The following RNF24 variants were observed in gnomAD, a reference collection of about 807,000 sequenced individuals.
RNF24 encodes the protein ring finger protein 24.
A neutral mutation model predicts 20.0 loss-of-function variants in RNF24; 14 were observed. That is an observed-to-expected ratio of 0.70 (90% confidence interval 0.46 to 1.10). The LOEUF is 1.10. Among genes scored for constraint, RNF24 ranks in the 50% least tolerant of loss-of-function variants. The pLI is 0.00. For missense variants in RNF24, 124 were observed against 177.6 expected, an observed-to-expected ratio of 0.70 and a Z score of 1.71; for synonymous variants, 45 against 61.1, an observed-to-expected ratio of 0.74 and a Z score of 1.23.
Position 3,948,344 on chromosome 20 carries a change from A to G in RNF24, c.144-65T>C, listed in dbSNP as rs79946463. 57 of 1,161,412 alleles carry G rather than the reference A, an allele frequency of 4.9e-5. No individual in the cohort carries two copies. The East Asian group carries it at 1.4e-3, about 28-fold the overall frequency. The allele number at this position is 1,161,412 out of a possible 1,614,324, so 71.9% of individuals were successfully genotyped here. On this transcript the variant is annotated intron_variant, in intron 2 of 5. Transcript: ENST00000358395. ...AACATAGTAACTTGAAGAAAAATAA[A>G]AAGTTGCTGATTTTGGTATTAATTT...
intron 2 of RNF24, among the ~76,000 whole-genome samples, chr20:3,953,910 C>T (rs2091111992): frequency 6.6e-6 from 1 of 151,202 alleles, no homozygotes; most frequent in African/African-American, 2.4e-5. Context: ...GTGTGTGCCA[C>T]CACGTCCAGC....
At chr20:3,973,880 A>G (rs940515603) in intron 1 of RNF24, among the ~76,000 whole-genome samples, 1 of 152,176 alleles carries the variant, frequency 6.6e-6, no homozygotes, top group African/African-American at 2.4e-5. Context: ...ACATTTCTCA[A>G]GGCATTTTTT....
intron 1 of RNF24, among the ~76,000 whole-genome samples, chr20:3,981,574 C>T (rs887490251): frequency 1.3e-5 from 2 of 151,018 alleles, no homozygotes; most frequent in Non-Finnish European, 2.9e-5. Context: ...GGCACCATCT[C>T]GGCTGACTGC....
intron 1 of RNF24, among the ~76,000 whole-genome samples, chr20:3,979,891 T>C (rs1201653478): frequency 1.3e-5 from 2 of 150,778 alleles, no homozygotes; most frequent in African/African-American, 2.4e-5. Context: ...AAAAGAATAA[T>C]GAAAATAAAT....
chr20:3,976,278 A>C (rs1300649674), intron 1 of RNF24, among the ~76,000 whole-genome samples: 1 of 152,258 alleles, frequency 6.6e-6, no homozygotes, highest in Non-Finnish European at 1.5e-5. Flanking sequence ...ACGTATGTTC[A>C]AAATCATTAG....
chr20:3,939,636 C>T (rs1321864142), intron 4 of RNF24, among the ~76,000 whole-genome samples: 1 of 152,182 alleles, frequency 6.6e-6, no homozygotes, highest in East Asian at 1.9e-4. Context: ...AGTGTGAGTT[C>T]TCTAACTCTG....
chr20:3,954,882 G>C (rs997232787), intron 2 of RNF24, among the ~76,000 whole-genome samples: 1 of 150,924 alleles, frequency 6.6e-6, no homozygotes, highest in African/African-American at 2.4e-5. Flanking sequence ...CCGGGTGACA[G>C]TGCGAGACTC....
chr20:3,952,569 ATTCT>A, intron 2 of RNF24, among the ~76,000 whole-genome samples: 1 of 140,458 alleles, frequency 7.1e-6, no homozygotes, highest in African/African-American at 2.7e-5. Flanking sequence ...CTTTTCTTTT[ATTCT>A]TTTTTCCCGT....
rs553816407 is a variant in RNF24 at position 4,012,348 on chromosome 20, C to T, written c.-8+3089G>A. 9.9e-5 allele frequency among the ~76,000 whole-genome samples: 15 copies of T among 151,120 alleles called. No homozygotes were observed. In the East Asian group the frequency reaches 2.3e-3, roughly 24 times the overall value. On this transcript the variant is annotated intron_variant, in intron 1 of 5. Transcript: ENST00000358395. ...ATGAGAATCACTTGAACCTGGGAGA[C>T]GGAGGCTGCAGTCAGCCGAGATCAC... is the stretch of plus-strand genomic sequence containing the variant.
rs1350174521 is a variant in RNF24 at position 3,930,473 on chromosome 20, AC to A, written c.*3589del. On this transcript the variant is annotated 3_prime_UTR_variant, in exon 6 of 6. Coordinates refer to ENST00000358395, the MANE Select transcript of RNF24 (RefSeq NM_001134337.3). The stretch of plus-strand genomic sequence containing the variant: ...CCTACCAGGCTCTGGGCACCAGCTA[AC>A]CCCCACAAGAGGTGCCAGGGACGTT... 6.6e-6 allele frequency: 1 copy of A among 152,130 alleles called. No individual in the cohort carries two copies. Among genetic ancestry groups the A allele is most frequent in the Admixed American group, 6.6e-5 (1 of 15,266 alleles). The allele number at this position is 152,130 out of a possible 1,614,324, so 9.4% of individuals were successfully genotyped here.
intron 1 of RNF24, among the ~76,000 whole-genome samples, chr20:3,976,553 T>C (rs1005505963): frequency 6.6e-6 from 1 of 152,216 alleles, no homozygotes; most frequent in South Asian, 2.1e-4. Flanking sequence ...TGAAAACCTA[T>C]GTTCACATAC....
intron 1 of RNF24, among the ~76,000 whole-genome samples, chr20:3,998,215 C>T (rs1050914427): frequency 4.0e-5 from 6 of 150,826 alleles, no homozygotes; most frequent in Non-Finnish European, 7.4e-5. Context: ...CCAAGGCGGG[C>T]GGATCACAAG....
At chr20:4,003,712 G>A (rs1009116650) in intron 1 of RNF24, among the ~76,000 whole-genome samples, 12 of 125,438 alleles carry the variant, frequency 9.6e-5, no homozygotes, top group East Asian at 2.7e-4. Context: ...GCGTGATCTC[G>A]GCTCACTGCA....
chr20:3,983,940 C>CAGAAA (rs1979652756), intron 1 of RNF24, among the ~76,000 whole-genome samples: 1 of 65,666 alleles, frequency 1.5e-5, no homozygotes, highest in African/African-American at 6.2e-5. Flanking sequence ...GACTTGGTCT[C>CAGAAA]AAAAAAAAAA....
chr20:3,984,403 T>C (rs1312281750), intron 1 of RNF24, among the ~76,000 whole-genome samples: 1 of 152,158 alleles, frequency 6.6e-6, no homozygotes. Context: ...CCAGACACTG[T>C]AATGCAGCAC....
intron 1 of RNF24, among the ~76,000 whole-genome samples, chr20:4,012,027 C>G (rs940389471): frequency 3.0e-4 from 46 of 152,170 alleles, no homozygotes; most frequent in African/African-American, 1.1e-3. Flanking sequence ...TTGATTTTTT[C>G]TCAGTCTCAA....
chr20:3,966,835 G>C (rs892388033), intron 1 of RNF24, among the ~76,000 whole-genome samples: 4 of 152,222 alleles, frequency 2.6e-5, no homozygotes, highest in Non-Finnish European at 5.9e-5. Flanking sequence ...CACAGCAGTA[G>C]AGGTAGTAGC....
At chr20:3,944,546 A>T (rs2146954819) in intron 4 of RNF24, among the ~76,000 whole-genome samples, 1 of 152,346 alleles carries the variant, frequency 6.6e-6, no homozygotes, top group East Asian at 1.9e-4. Context: ...GGAAAGGGTG[A>T]TAAAAAATAA....
chr20:3,963,519 C>A (rs529997554), intron 2 of RNF24, among the ~76,000 whole-genome samples: 8 of 152,264 alleles, frequency 5.3e-5, no homozygotes, highest in Non-Finnish European at 8.8e-5. Context: ...TACCTAATGA[C>A]CTTAGCTAAC....
Sources: gnomAD v4.1 joint callset for allele counts (sites outside exome capture counted in the v4.1 genomes callset) on GRCh38, gnomAD v4.1.1 for gene constraint, MANE v1.5 for transcripts, NCBI Gene and HGNC (gene_info 2026-07-23, HGNC 2026-07-21) for gene names.